The following ANKRD11 variants were observed in gnomAD, a reference collection of about 807,000 sequenced individuals.
The protein encoded by ANKRD11 is ankyrin repeat domain 11.
In ANKRD11, 17 loss-of-function variants were observed where a neutral mutation model predicts 195.7. The observed-to-expected ratio is 0.09, with a 90% CI of 0.06 to 0.13. The LOEUF (loss-of-function observed/expected upper bound fraction) is 0.13, where lower values mean the gene tolerates loss of function less well. ANKRD11 is among the 10% of genes least tolerant of loss of function. The pLI is 1.00. For missense variants in ANKRD11, 3,735 were observed against 3,566.1 expected, an observed-to-expected ratio of 1.05 and a Z score of -1.21; for synonymous variants, 1,953 against 1,528.1, an observed-to-expected ratio of 1.28 and a Z score of -6.49.
intron 3 of ANKRD11, chr16:89,313,591 T>G: frequency 7.8e-7 from 1 of 1,289,046 alleles, no homozygotes; most frequent in Non-Finnish European, 1.0e-6. Context: ...TGGAAAAATC[T>G]AAAAATATAT....
chr16:89,422,442 G>C (rs2042556131), intron 1 of ANKRD11, among the ~76,000 whole-genome samples: 1 of 152,148 alleles, frequency 6.6e-6, no homozygotes, highest in East Asian at 1.9e-4. Flanking sequence ...TAACCACCCT[G>C]GTCTCATCGG....
chr16:89,293,518 G>C (rs1249952189), intron 4 of ANKRD11, among the ~76,000 whole-genome samples: 1 of 148,996 alleles, frequency 6.7e-6, no homozygotes, highest in East Asian at 2.0e-4. Context: ...GCAGAGCGAG[G>C]AGGCGGGGTG....
intron 2 of ANKRD11, among the ~76,000 whole-genome samples, chr16:89,364,129 C>G (rs2039850099): frequency 6.6e-6 from 1 of 152,160 alleles, no homozygotes; most frequent in African/African-American, 2.4e-5. Context: ...AGACATGGAG[C>G]CTTTCTTTCC....
intron 1 of ANKRD11, among the ~76,000 whole-genome samples, chr16:89,451,305 T>A (rs2044060071): frequency 6.6e-6 from 1 of 152,144 alleles, no homozygotes; most frequent in African/African-American, 2.4e-5. Context: ...AGTAGATTAG[T>A]GGCTGCCTGG....
chr16:89,285,008 G>A lies in ANKRD11; in HGVS notation c.1534C>T (p.Pro512Ser), dbSNP rs767398092. The change falls in exon 9 of 13, where the codon CCC (proline) becomes TCC (serine). Residue 512 changes from proline (P) to serine (S), a missense_variant. Pro to Ser is a moderately conservative substitution (Grantham distance 74, BLOSUM62 -1). Transcript: ENST00000301030. This position sits in a 1 kb window ranked among gnomAD's most constrained non-coding sequence, Gnocchi z 5.6. Reference protein sequence around the residue: ...LKGSPLVLKDPSLFSSLSASS... With the variant: ...LKGSPLVLKDSSLFSSLSASS... ...GCAGAGAGGGAGCTGAACAGGGAGG[G>A]GTCCTTCAGCACCAGCGGGGACCCC... 6.2e-7 allele frequency: 1 copy of A among 1,613,858 alleles called. No individual in the cohort carries two copies. Among genetic ancestry groups the A allele is most frequent in the African/African-American group, 1.3e-5 (1 of 74,880 alleles).
chr16:89,346,110 G>A (rs1195761616), intron 2 of ANKRD11, among the ~76,000 whole-genome samples: 1 of 151,838 alleles, frequency 6.6e-6, no homozygotes, highest in South Asian at 2.1e-4. Context: ...TTAGCCGGGC[G>A]TGGTGCCGGG....
At chr16:89,489,287 G>C (rs2057728196) in intron 1 of ANKRD11, 1 of 152,306 alleles carries the variant, frequency 6.6e-6, no homozygotes, top group Admixed American at 6.5e-5. Context: ...CCTGCCAGGG[G>C]ATGATGAAAT....
intron 1 of ANKRD11, among the ~76,000 whole-genome samples, chr16:89,419,439 C>T (rs900183393): frequency 1.4e-5 from 2 of 145,094 alleles, no homozygotes; most frequent in Admixed American, 7.0e-5. Flanking sequence ...GGTGACAGAG[C>T]GAAACTCGTC....
rs539381175 is a variant in ANKRD11, at chr16:89,439,940, G to A, written c.-144-21572C>T. Among the ~76,000 whole-genome samples, 3 of 152,326 alleles carry A rather than the reference G, an allele frequency of 2.0e-5. No individual in the cohort carries two copies. The East Asian group carries it at 5.8e-4, about 29-fold the overall frequency. ...TCCAGCTCTACTGCACACACCCACA[G>A]CAGGAGAGGCCTGTGTCTCTCACAG... On this transcript the variant is annotated intron_variant, in intron 1 of 12. Transcript: ENST00000301030.
At chr16:89,441,494 G>T (rs189234749) in intron 1 of ANKRD11, among the ~76,000 whole-genome samples, 6 of 151,340 alleles carry the variant, frequency 4.0e-5, no homozygotes, top group South Asian at 4.2e-4. Flanking sequence ...CTGGCCGGGC[G>T]CGGTGGCTCA....
chr16:89,295,608 GC>G lies in ANKRD11; in HGVS notation c.227-4426del, dbSNP rs1246461231. On this transcript the variant is annotated intron_variant, in intron 4 of 12. Coordinates refer to ENST00000301030, the MANE Select transcript of ANKRD11 (RefSeq NM_013275.6). ...GGCAGCAGGGGCCACAGTGGACAAT[GC>G]TTTTGGGAGCTGGAGCCCACTTCCT... Among the ~76,000 whole-genome samples, 17 of 152,334 alleles carry G rather than the reference GC, an allele frequency of 1.1e-4. No homozygotes were observed. In the East Asian group the frequency reaches 3.3e-3, roughly 29 times the overall value.
chr16:89,456,221 C>G (rs934441119), intron 1 of ANKRD11, among the ~76,000 whole-genome samples: 4 of 147,402 alleles, frequency 2.7e-5, no homozygotes, highest in African/African-American at 1.0e-4. Flanking sequence ...GCCTGGGCAA[C>G]AGAACAAGAT....
intron 2 of ANKRD11, among the ~76,000 whole-genome samples, chr16:89,334,651 T>C (rs898051813): frequency 1.3e-5 from 2 of 151,976 alleles, no homozygotes; most frequent in African/African-American, 4.8e-5. Flanking sequence ...CCACGCTCCA[T>C]GAGGGGCCAC....
chr16:89,338,662 T>A (rs1333348409), intron 2 of ANKRD11, among the ~76,000 whole-genome samples: 1 of 139,140 alleles, frequency 7.2e-6, no homozygotes. Flanking sequence ...GAAGCTGAGG[T>A]TGCAGTGAGC....
intron 2 of ANKRD11, among the ~76,000 whole-genome samples, chr16:89,352,775 T>C (rs1228516201): frequency 6.6e-6 from 1 of 152,158 alleles, no homozygotes; most frequent in Non-Finnish European, 1.5e-5. Context: ...GATTCTTGAG[T>C]GCGTTTCCTA....
intron 2 of ANKRD11, among the ~76,000 whole-genome samples, chr16:89,416,279 A>C (rs1312978502): frequency 6.6e-6 from 1 of 151,938 alleles, no homozygotes; most frequent in Middle Eastern, 3.2e-3. Context: ...TAATCAGAGA[A>C]GCCTGTATTT....
At chr16:89,480,370 G>A (rs759878033) in intron 1 of ANKRD11, among the ~76,000 whole-genome samples, 45 of 151,382 alleles carry the variant, frequency 3.0e-4, no homozygotes, top group Admixed American at 4.6e-4. Flanking sequence ...CCAGCTACTC[G>A]GGAGGCTGAG....
intron 1 of ANKRD11, among the ~76,000 whole-genome samples, chr16:89,483,577 C>T (rs2057511422): frequency 6.6e-6 from 1 of 152,180 alleles, no homozygotes; most frequent in African/African-American, 2.4e-5. Flanking sequence ...GCCTGTAATC[C>T]CAGCCCTTTG....
intron 2 of ANKRD11, among the ~76,000 whole-genome samples, chr16:89,357,184 C>T (rs1262542847): frequency 6.6e-6 from 1 of 152,198 alleles, no homozygotes; most frequent in Non-Finnish European, 1.5e-5. Flanking sequence ...CTACAACACA[C>T]CTTCGAAGAT....
Sources: gnomAD v4.1 joint callset for allele counts (sites outside exome capture counted in the v4.1 genomes callset) on GRCh38, gnomAD v4.1.1 for gene constraint, Gnocchi (gnomAD v3.1) non-coding constraint, MANE v1.5 for transcripts, NCBI Gene and HGNC (gene_info 2026-07-23, HGNC 2026-07-21) for gene names.